The following USP42 variants were observed in gnomAD, a reference collection of about 807,000 sequenced individuals.
The protein encoded by USP42 is ubiquitin specific peptidase 42.
USP42 carries 23 observed loss-of-function variants against 113.0 expected under a neutral mutation model. The observed-to-expected ratio is 0.20, with a 90% CI of 0.15 to 0.29. The LOEUF (loss-of-function observed/expected upper bound fraction) is 0.29. USP42 is among the 10% of genes least tolerant of loss of function. The probability of loss-of-function intolerance (pLI) is 1.00; values close to 1 mark genes in which losing one functional copy is unlikely to be tolerated. For synonymous variants in USP42, 933 were observed against 699.0 expected (o/e 1.33, Z -5.28); for missense variants, 2,174 against 1,779.8 (o/e 1.22, Z -3.99).
intron 8 of USP42, among the ~76,000 whole-genome samples, chr7:6,143,264 A>C (rs781133483): frequency 2.0e-5 from 3 of 151,938 alleles, no homozygotes; most frequent in Non-Finnish European, 2.9e-5. Context: ...GTGGGAGGAG[A>C]GAGGTAAAAT....
the USP42 span, among the ~76,000 whole-genome samples, chr7:6,087,589 G>T: frequency 6.6e-6 from 1 of 150,484 alleles, no homozygotes; most frequent in African/African-American, 2.5e-5. Context: ...CACCCGCTTC[G>T]GCCTCCCAAA....
rs887271348 is a variant in USP42 at position 6,154,326 on chromosome 7, C to T, written c.2772C>T (p.Val924=). ...GDAEPSPGER[V]EDAAAPKAPG... is the part of the protein sequence containing the mutation. ...CTGAGCCTAGCCCCGGCGAGAGGGT[C>T]GAGGACGCCGCGGCGCCGAAAGCCC... The change falls in exon 15 of 18, where the codon GTC becomes GTT. Residue 924 remains valine (V), a synonymous_variant. Transcript: ENST00000306177. The T allele has an allele frequency of 1.3e-6, 2 of 1,574,900 alleles. No individual in the cohort carries two copies. Among genetic ancestry groups the T allele is most frequent in the Admixed American group, 1.9e-5 (1 of 53,938 alleles).
At chr7:6,099,211 CTTTTTT>C in the USP42 span, among the ~76,000 whole-genome samples, 4 of 98,780 alleles carry the variant, frequency 4.0e-5, no homozygotes, top group East Asian at 1.2e-3. Context: ...TGTTCCCTCT[CTTTTTT>C]TTTTTTTTTT....
intron 12 of USP42, among the ~76,000 whole-genome samples, chr7:6,148,577 C>CT (rs1458014307): frequency 6.6e-6 from 1 of 152,174 alleles, no homozygotes; most frequent in East Asian, 1.9e-4. Flanking sequence ...TGTGGTGTTT[C>CT]TGTCTGCTCT....
intron 9 of USP42, among the ~76,000 whole-genome samples, chr7:6,145,277 G>T (rs1436622327): frequency 6.6e-6 from 1 of 151,714 alleles, no homozygotes; most frequent in Non-Finnish European, 1.5e-5. Flanking sequence ...CTTCCAGTGA[G>T]CTGAGATCGT....
chr7:6,099,410 T>C, the USP42 span, among the ~76,000 whole-genome samples: 3 of 148,966 alleles, frequency 2.0e-5, no homozygotes, highest in Admixed American at 2.0e-4. Flanking sequence ...CAGATGGGGT[T>C]TCACAGTGTT....
intron 10 of USP42, 143 bp downstream of exon 10, chr7:6,145,799 GT>G: frequency 1.0e-6 from 1 of 1,002,984 alleles, no homozygotes; most frequent in Non-Finnish European, 1.5e-6. Flanking sequence ...GCCGGGCGCA[GT>G]GGCTTACTCC....
At position 6,154,330 on chromosome 7, in the gene USP42, G is replaced by A. The variant is rs1168241001; in HGVS notation, c.2776G>A (p.Asp926Asn). ...GCCTAGCCCCGGCGAGAGGGTCGAG[G>A]ACGCCGCGGCGCCGAAAGCCCCAGG... ...AEPSPGERVE[D>N]AAAPKAPGPS... Residue 926 changes from aspartate (D) to asparagine (N), a missense_variant, in exon 15 of 18, where the codon GAC becomes AAC. Physicochemically the swap from Asp to Asn is conservative, Grantham distance 23. Transcript: ENST00000306177. 5 of 1,573,730 alleles carry A rather than the reference G, an allele frequency of 3.2e-6. No individual in the cohort carries two copies. Among genetic ancestry groups the A allele is most frequent in the African/African-American group, 1.4e-5 (1 of 73,850 alleles).
At chr7:6,092,306 G>A in the USP42 span, among the ~76,000 whole-genome samples, 1 of 148,554 alleles carries the variant, frequency 6.7e-6, no homozygotes. Context: ...GACCTCCTGA[G>A]TAGCTGGGAT....
At chr7:6,131,548 A>G (rs577729879) in intron 3 of USP42, among the ~76,000 whole-genome samples, 24 of 152,304 alleles carry the variant, frequency 1.6e-4, no homozygotes, top group African/African-American at 5.8e-4. Context: ...AAGTAGAGCA[A>G]TGATTTCTAA....
At chr7:6,114,976 C>T (rs141029944) in intron 2 of USP42, among the ~76,000 whole-genome samples, 2,033 of 152,068 alleles carry the variant, frequency 0.013, 29 homozygotes, top group Middle Eastern at 0.061. Flanking sequence ...AGGCGTGAGC[C>T]ACTGTGCCCG....
chr7:6,118,414 T>C (rs1411811709), intron 3 of USP42, among the ~76,000 whole-genome samples: 1 of 151,980 alleles, frequency 6.6e-6, no homozygotes, highest in Non-Finnish European at 1.5e-5. Context: ...CCCAGCTACT[T>C]GGGAGACTGA....
intron 3 of USP42, among the ~76,000 whole-genome samples, chr7:6,125,449 C>A (rs372681475): frequency 5.3e-5 from 8 of 152,238 alleles, no homozygotes; most frequent in African/African-American, 1.9e-4. Flanking sequence ...AAGAACACAC[C>A]ACTGCACTCC....
At chr7:6,136,024 A>C in intron 4 of USP42, 73 bp downstream of exon 4, 1 of 776,804 alleles carries the variant, frequency 1.3e-6, no homozygotes, top group South Asian at 2.0e-5. Context: ...TTTTTTTTCG[A>C]GACAGAGTCT....
At chr7:6,095,827 G>A in the USP42 span, among the ~76,000 whole-genome samples, 60 of 150,906 alleles carry the variant, frequency 4.0e-4, no homozygotes, top group Admixed American at 7.2e-4. Context: ...CAGTGGTGTG[G>A]TCACATCTCA....
intron 2 of USP42, among the ~76,000 whole-genome samples, chr7:6,114,678 A>ATATATATATATAT (rs1241045063): frequency 1.1e-4 from 2 of 18,882 alleles, no homozygotes; most frequent in Admixed American, 1.2e-3. Flanking sequence ...ATATATATAT[A>ATATATATATATAT]TTTTTTTTTT....
chr7:6,146,886 C>T (rs1394277880), intron 11 of USP42, among the ~76,000 whole-genome samples: 1 of 152,200 alleles, frequency 6.6e-6, no homozygotes, highest in African/African-American at 2.4e-5. Flanking sequence ...CAGGAAGGGA[C>T]CTCTGAGCAC....
Position 6,139,845 on chromosome 7 carries a change from A to G in USP42, c.657-283A>G. On this transcript the variant is annotated intron_variant, in intron 5 of 17. Coordinates refer to ENST00000306177, the MANE Select transcript of USP42 (RefSeq NM_032172.3). The surrounding 1 kb of genome is among the most constrained non-coding windows in gnomAD (Gnocchi z 4.5). The stretch of plus-strand genomic sequence containing the variant: ...CAGGCCGCAGTGCCCGGAGGCTGCC[A>G]TCTTCCTGCTTCAGGACCAGACTCC... 2.0e-6 allele frequency: 1 copy of G among 493,050 alleles called. No individual in the cohort carries two copies. 30.5% of individuals were successfully genotyped at this position (493,050 alleles called of 1,614,324 possible).
upstream of USP42, among the ~76,000 whole-genome samples, chr7:6,103,337 G>C (rs1790189386): frequency 6.6e-6 from 1 of 150,622 alleles, no homozygotes; most frequent in Admixed American, 6.6e-5. Context: ...AGGAGTTCGA[G>C]ACCAGCCTGA....
Sources: allele counts gnomAD v4.1 joint callset (sites outside exome capture counted in the v4.1 genomes callset), GRCh38; gene constraint gnomAD v4.1.1; non-coding constraint Gnocchi (gnomAD v3.1); transcripts MANE v1.5; gene names NCBI Gene and HGNC (gene_info 2026-07-23, HGNC 2026-07-21).